Variants in DGKB observed in about 807,000 individuals in gnomAD.
The protein encoded by DGKB is 90 kDa diacylglycerol kinase.
Under a neutral mutation model 114.3 loss-of-function variants are expected in DGKB, and 67 were observed. That is an observed-to-expected ratio of 0.59 (90% CI 0.48 to 0.72). The LOEUF (loss-of-function observed/expected upper bound fraction) is 0.72, where lower values mean the gene tolerates loss of function less well. Among genes scored for constraint, DGKB ranks in the 30% least tolerant of loss-of-function variants. The pLI is 0.00. For synonymous variants in DGKB, 398 were observed against 323.1 expected, an observed-to-expected ratio of 1.23 and a Z score of -2.49; for missense variants, 907 against 975.2, an observed-to-expected ratio of 0.93 and a Z score of 0.93.
At chr7:14,188,194 G>A (rs992098537) in intron 23 of DGKB, among the ~76,000 whole-genome samples, 1 of 152,106 alleles carries the variant, frequency 6.6e-6, no homozygotes, top group Non-Finnish European at 1.5e-5. Context: ...AATAGAGAAT[G>A]AAGAAAGCCT....
chr7:14,806,618 C>T (rs1473461225), intron 2 of DGKB, among the ~76,000 whole-genome samples: 1 of 151,988 alleles, frequency 6.6e-6, no homozygotes, highest in East Asian at 1.9e-4. Flanking sequence ...CATGTGGCAC[C>T]TCCTTTATGG....
chr7:14,302,839 A>G (rs888635019), intron 23 of DGKB, among the ~76,000 whole-genome samples: 1 of 152,116 alleles, frequency 6.6e-6, no homozygotes, highest in African/African-American at 2.4e-5. Flanking sequence ...TATCCAAGGT[A>G]AAATATTTGC....
chr7:14,909,210 C>G (rs1783859571), intron 1 of DGKB, among the ~76,000 whole-genome samples: 1 of 152,150 alleles, frequency 6.6e-6, no homozygotes, highest in South Asian at 2.1e-4. Context: ...GCAGCTCACA[C>G]AGCTATGTCT....
At chr7:14,520,052 A>G (rs553075954) in intron 20 of DGKB, among the ~76,000 whole-genome samples, 1 of 151,806 alleles carries the variant, frequency 6.6e-6, no homozygotes, top group South Asian at 2.1e-4. Context: ...TAATTTTATC[A>G]GATTCCAATT....
At chr7:14,972,994 T>G (rs2115313402) in intron 1 of DGKB, among the ~76,000 whole-genome samples, 1 of 152,092 alleles carries the variant, frequency 6.6e-6, no homozygotes, top group Non-Finnish European at 1.5e-5. Flanking sequence ...TAAAAATAGG[T>G]TAGATGGATG....
At chr7:14,272,872 A>G (rs1045811500) in intron 23 of DGKB, among the ~76,000 whole-genome samples, 1 of 152,048 alleles carries the variant, frequency 6.6e-6, no homozygotes, top group Admixed American at 6.6e-5. Flanking sequence ...GTTTGAAAGG[A>G]AAAAAAAGAT....
intron 1 of DGKB, among the ~76,000 whole-genome samples, chr7:14,897,562 GTTTT>G (rs542793945): frequency 6.6e-6 from 1 of 151,762 alleles, no homozygotes; most frequent in African/African-American, 2.4e-5. Flanking sequence ...TACTATTTGG[GTTTT>G]TTTCCCTCCC....
intron 21 of DGKB, among the ~76,000 whole-genome samples, chr7:14,472,034 G>T (rs951902541): frequency 6.6e-6 from 1 of 152,136 alleles, no homozygotes. Context: ...TATTGTGATC[G>T]CTGGCCATAA....
chr7:14,831,043 C>T (rs915062242), intron 2 of DGKB, among the ~76,000 whole-genome samples: 6 of 151,766 alleles, frequency 4.0e-5, no homozygotes, highest in South Asian at 2.1e-4. Context: ...ACAGCAATTA[C>T]GTGAATTCCC....
intron 17 of DGKB, among the ~76,000 whole-genome samples, chr7:14,603,058 G>A (rs894210211): frequency 1.3e-5 from 2 of 152,092 alleles, no homozygotes; most frequent in African/African-American, 2.4e-5. Context: ...ACTCAAAGGG[G>A]GAAATTTGTG....
At chr7:14,203,246 C>T (rs1786197263) in intron 23 of DGKB, among the ~76,000 whole-genome samples, 1 of 149,952 alleles carries the variant, frequency 6.7e-6, no homozygotes, top group Admixed American at 6.7e-5. Context: ...AAAGGACACA[C>T]ACATAAAACA....
At chr7:14,517,482 TA>T (rs1455394933) in intron 20 of DGKB, among the ~76,000 whole-genome samples, 1 of 151,160 alleles carries the variant, frequency 6.6e-6, no homozygotes, top group African/African-American at 2.4e-5. Context: ...CTAATCAAAC[TA>T]AAGAGCTTCT....
intron 20 of DGKB, among the ~76,000 whole-genome samples, chr7:14,549,390 A>G (rs1396870265): frequency 1.3e-5 from 2 of 152,090 alleles, no homozygotes; most frequent in Non-Finnish European, 2.9e-5. Context: ...CCCAGAAATT[A>G]CCTAGGAATA....
At chr7:14,483,164 T>G (rs1783245716) in intron 20 of DGKB, among the ~76,000 whole-genome samples, 1 of 152,142 alleles carries the variant, frequency 6.6e-6, no homozygotes, top group Non-Finnish European at 1.5e-5. Flanking sequence ...AACTGGAACC[T>G]GGTAACTTTT....
At chr7:14,151,432 T>C (rs943356221) in intron 25 of DGKB, among the ~76,000 whole-genome samples, 1 of 151,500 alleles carries the variant, frequency 6.6e-6, no homozygotes, top group Non-Finnish European at 1.5e-5. Flanking sequence ...GGCATATAAA[T>C]TTTGTTTATG....
intron 23 of DGKB, among the ~76,000 whole-genome samples, chr7:14,267,239 C>A (rs994985784): frequency 7.2e-5 from 11 of 152,150 alleles, no homozygotes; most frequent in African/African-American, 2.7e-4. Flanking sequence ...CCTATCTCAA[C>A]ACTTGGTCTT....
chr7:14,878,257 A>C (rs1029714267), intron 1 of DGKB, among the ~76,000 whole-genome samples: 2 of 152,330 alleles, frequency 1.3e-5, no homozygotes, highest in Non-Finnish European at 2.9e-5. Context: ...ATCTGCATTC[A>C]CAAATGGAAA....
intron 13 of DGKB, among the ~76,000 whole-genome samples, chr7:14,663,393 ATTGT>A (rs1436377782): frequency 1.3e-5 from 2 of 151,912 alleles, no homozygotes; most frequent in Non-Finnish European, 2.9e-5. Context: ...TTTCAACTGA[ATTGT>A]TTGTTTATTA....
chr7:14,255,074 G>A (rs1436543400), intron 23 of DGKB, among the ~76,000 whole-genome samples: 1 of 152,088 alleles, frequency 6.6e-6, no homozygotes, highest in Non-Finnish European at 1.5e-5. Flanking sequence ...AATAAGTTAT[G>A]AAAAAAAGAC....
Sources: gnomAD v4.1 joint callset for allele counts (sites outside exome capture counted in the v4.1 genomes callset) on GRCh38, gnomAD v4.1.1 for gene constraint, MANE v1.5 for transcripts, NCBI Gene and HGNC (gene_info 2026-07-23, HGNC 2026-07-21) for gene names.